EPB41L4A: variants seen among roughly 807,000 people sequenced by gnomAD.
The protein encoded by EPB41L4A is erythrocyte membrane protein band 4.1 like 4A, also known as band 4.1-like protein 4A.
In EPB41L4A, 100 loss-of-function variants were observed where a neutral mutation model predicts 108.6. That is an observed-to-expected ratio of 0.92 (90% confidence interval 0.78 to 1.09). The LOEUF (loss-of-function observed/expected upper bound fraction) is 1.09. Ranked by LOEUF, EPB41L4A falls within the 50% of genes least tolerant of loss-of-function variation. The probability of loss-of-function intolerance (pLI) is 0.00; values close to 1 mark genes in which losing one functional copy is unlikely to be tolerated. For missense variants in EPB41L4A, 1,030 were observed against 842.7 expected (o/e 1.22, Z -2.75); for synonymous variants, 319 against 289.0 (o/e 1.10, Z -1.05).
At chr5:112,326,286 C>T (rs1222344397) in intron 1 of EPB41L4A, among the ~76,000 whole-genome samples, 1 of 152,030 alleles carries the variant, frequency 6.6e-6, no homozygotes, top group African/African-American at 2.4e-5. Flanking sequence ...AAAGGCATGC[C>T]AAACCCCGCA....
At chr5:112,229,740 GCACTTT>G (rs1354007406) in intron 12 of EPB41L4A, among the ~76,000 whole-genome samples, 4 of 152,184 alleles carry the variant, frequency 2.6e-5, no homozygotes, top group Non-Finnish European at 5.9e-5. Context: ...TGTAATCCCA[GCACTTT>G]CGGAGGCCAA....
At chr5:112,283,215 T>C (rs1472750530) in intron 2 of EPB41L4A, among the ~76,000 whole-genome samples, 3 of 152,178 alleles carry the variant, frequency 2.0e-5, no homozygotes, top group Admixed American at 6.5e-5. Flanking sequence ...TCACTGCACA[T>C]TTGCTATGCT....
chr5:112,408,968 C>T (rs1402643552), intron 1 of EPB41L4A, among the ~76,000 whole-genome samples: 1 of 151,892 alleles, frequency 6.6e-6, no homozygotes, highest in Non-Finnish European at 1.5e-5. Flanking sequence ...GGTATATACA[C>T]AAGAGTAATT....
exon 14 of EPB41L4A, chr5:112,143,172 C>T (rs577347292): frequency 2.0e-5 from 3 of 152,290 alleles, no homozygotes; most frequent in South Asian, 2.1e-4. Context: ...CTGGTCCAGA[C>T]CACAGTTACC....
chr5:112,195,484 A>G (rs530585306), intron 16 of EPB41L4A, among the ~76,000 whole-genome samples, 177 bp downstream of exon 16: 10 of 152,268 alleles, frequency 6.6e-5, no homozygotes, highest in African/African-American at 2.4e-4. Context: ...AGCAGGAAAC[A>G]GCACAGTCTT....
At chr5:112,348,437 C>T (rs1047063997) in intron 1 of EPB41L4A, among the ~76,000 whole-genome samples, 1 of 152,146 alleles carries the variant, frequency 6.6e-6, no homozygotes, top group East Asian at 1.9e-4. Context: ...CCAAAACCTA[C>T]TTTATGGGAA....
At chr5:112,306,100 C>T (rs17134331) in intron 2 of EPB41L4A, among the ~76,000 whole-genome samples, 10,389 of 152,186 alleles carry the variant, frequency 0.068, 430 homozygotes, top group Middle Eastern at 0.092. Context: ...GACAGTCAAT[C>T]TTTCCAGGCA....
chr5:112,236,457 C>T (rs1358641880), intron 11 of EPB41L4A, among the ~76,000 whole-genome samples: 1 of 152,212 alleles, frequency 6.6e-6, no homozygotes. Flanking sequence ...TCCTTGCAGC[C>T]TCATTTTCCT....
rs1750561210 is a variant in EPB41L4A, at chr5:112,250,189, T to C, written c.795+9040A>G. Among the ~76,000 whole-genome samples, 4 of 152,188 alleles carry C rather than the reference T, an allele frequency of 2.6e-5. No homozygotes were observed. The South Asian group carries it at 8.3e-4, about 31-fold the overall frequency. On this transcript the variant is annotated intron_variant, in intron 9 of 22. Transcript: ENST00000261486. ...ACAGCAAAATATTCTAGTACTCTTA[T>C]CAGCTATGTGGGTTATATTTCAAAA...
intron 1 of EPB41L4A, among the ~76,000 whole-genome samples, chr5:112,344,852 T>C (rs975257311): frequency 1.3e-5 from 2 of 152,196 alleles, no homozygotes; most frequent in South Asian, 4.1e-4. Context: ...CTGGTAGAAG[T>C]AGACTGTACA....
chr5:112,381,244 T>C lies in EPB41L4A; in HGVS notation c.99+37697A>G, dbSNP rs145417075. ...TATTAAAAAATTCAAATCAGAACTT[T>C]TGGATTGCAGAATTGTAAGGAATTA... On this transcript the variant is annotated intron_variant, in intron 1 of 22. Coordinates refer to ENST00000261486, the MANE Select transcript of EPB41L4A (RefSeq NM_022140.5). 3.9e-3 allele frequency among the ~76,000 whole-genome samples: 593 copies of C among 152,330 alleles called. 3 individuals are homozygous for C. The highest frequency in any genetic ancestry group is 6.6e-3 in the Non-Finnish European group (447 of 68,030).
At chr5:112,170,159 T>C (rs950646851) in intron 20 of EPB41L4A, 142 bp downstream of exon 20, 1 of 750,666 alleles carries the variant, frequency 1.3e-6, no homozygotes, top group Non-Finnish European at 2.2e-6. Context: ...ACACTTTTCT[T>C]CCTCTTTCGC....
intron 1 of EPB41L4A, among the ~76,000 whole-genome samples, chr5:112,370,584 A>G (rs1334118362): frequency 2.6e-5 from 4 of 152,210 alleles, no homozygotes; most frequent in Non-Finnish European, 5.9e-5. Context: ...GATTTTTAGA[A>G]AAGTTCGATT....
intron 11 of EPB41L4A, among the ~76,000 whole-genome samples, chr5:112,238,201 C>T (rs1017382191): frequency 2.0e-5 from 3 of 152,076 alleles, no homozygotes; most frequent in African/African-American, 7.2e-5. Flanking sequence ...ATGTTTTATG[C>T]CACAACTGGA....
At chr5:112,180,887 T>C (rs1341121889) in intron 18 of EPB41L4A, among the ~76,000 whole-genome samples, 1 of 152,036 alleles carries the variant, frequency 6.6e-6, no homozygotes, top group South Asian at 2.1e-4. Flanking sequence ...CCAATTAAAC[T>C]GGACAAAAAA....
chr5:112,212,604 T>G (rs1272433680), intron 12 of EPB41L4A, among the ~76,000 whole-genome samples: 2 of 152,102 alleles, frequency 1.3e-5, no homozygotes, highest in Non-Finnish European at 2.9e-5. Flanking sequence ...CCCCTAACAT[T>G]AGTATTTTTA....
At chr5:112,336,364 C>A (rs1311010707) in intron 1 of EPB41L4A, among the ~76,000 whole-genome samples, 1 of 152,078 alleles carries the variant, frequency 6.6e-6, no homozygotes, top group Non-Finnish European at 1.5e-5. Flanking sequence ...CTGCATGTCA[C>A]TGGTTGGGGG....
intron 12 of EPB41L4A, among the ~76,000 whole-genome samples, chr5:112,224,068 C>G (rs1748276233): frequency 6.6e-6 from 1 of 152,198 alleles, no homozygotes; most frequent in Non-Finnish European, 1.5e-5. Context: ...TCTTCTGCCT[C>G]AGCCTCCTGA....
In EPB41L4A at chr5:112,301,187, TGA is replaced by T. The variant is rs546247525; in HGVS notation, c.204+6197_204+6198del. On this transcript the variant is annotated intron_variant, in intron 2 of 22. Coordinates refer to ENST00000261486, the MANE Select transcript of EPB41L4A (RefSeq NM_022140.5). ...TTTCTCGGTTTAGATCCACTGCTGA[TGA>T]GAGAGTATGATTTTTTGGGTGGTGT... Among the ~76,000 whole-genome samples the T allele has an allele frequency of 1.8e-3, 281 of 152,308 alleles. 1 individual carries two copies. Among genetic ancestry groups the T allele is most frequent in the Non-Finnish European group, 2.3e-3 (155 of 68,026 alleles).
Sources: allele counts gnomAD v4.1 joint callset (sites outside exome capture counted in the v4.1 genomes callset), GRCh38; gene constraint gnomAD v4.1.1; transcripts MANE v1.5; gene names NCBI Gene and HGNC (gene_info 2026-07-23, HGNC 2026-07-21).